The following FHIT variants were observed in gnomAD, a reference collection of about 807,000 sequenced individuals.
The protein encoded by FHIT is bis(5'-adenosyl)-triphosphatase.
FHIT carries 19 observed loss-of-function variants against 17.9 expected under a neutral mutation model. The observed-to-expected ratio is 1.06, with a 90% CI of 0.74 to 1.56. The LOEUF is 1.56. Among genes scored for constraint, FHIT ranks in the 40% most tolerant of loss-of-function variants. The pLI is 0.00. For synonymous variants in FHIT, 81 were observed against 69.7 expected (o/e 1.16, Z -0.81); for missense variants, 248 against 189.2 (o/e 1.31, Z -1.82).
chr3:60,224,637 A>G (rs1168648372), intron 5 of FHIT, among the ~76,000 whole-genome samples: 3 of 152,072 alleles, frequency 2.0e-5, no homozygotes, highest in Non-Finnish European at 4.4e-5. Context: ...TTATATGTCC[A>G]CCCAAACCAT....
At chr3:60,272,306 C>T (rs920608666) in intron 5 of FHIT, among the ~76,000 whole-genome samples, 8 of 152,176 alleles carry the variant, frequency 5.3e-5, no homozygotes, top group African/African-American at 1.7e-4. Flanking sequence ...GAACACAACT[C>T]TTAGCTAGGA....
intron 4 of FHIT, among the ~76,000 whole-genome samples, chr3:60,588,316 C>T (rs1340094048): frequency 1.3e-5 from 2 of 152,086 alleles, no homozygotes; most frequent in East Asian, 3.9e-4. Context: ...TTACTGATTT[C>T]TTTAAAATAT....
chr3:60,755,683 T>C (rs2042557501), intron 4 of FHIT, among the ~76,000 whole-genome samples: 1 of 152,354 alleles, frequency 6.6e-6, no homozygotes, highest in Non-Finnish European at 1.5e-5. Flanking sequence ...TTAATTATCT[T>C]TAATTTAGCT....
At chr3:61,187,191 G>A (rs1560052384) in intron 2 of FHIT, among the ~76,000 whole-genome samples, 1 of 152,112 alleles carries the variant, frequency 6.6e-6, no homozygotes, top group South Asian at 2.1e-4. Context: ...CTTGAAATCT[G>A]CAAGGCTTAG....
chr3:60,273,918 T>C (rs567748950), intron 5 of FHIT, among the ~76,000 whole-genome samples: 1 of 152,220 alleles, frequency 6.6e-6, no homozygotes, highest in Non-Finnish European at 1.5e-5. Context: ...CTCATCTTTG[T>C]GTAGATTAAA....
rs756931374 is a variant in FHIT at position 59,922,337 on chromosome 3, C to A, written c.348+9G>T. 1 of 1,611,234 alleles carries A rather than the reference C, an allele frequency of 6.2e-7. No individual in the cohort carries two copies. The highest frequency in any genetic ancestry group is 8.5e-7 in the Non-Finnish European group (1 of 1,177,526). On this transcript the variant is annotated intron_variant, in intron 8 of 9. Transcript: ENST00000492590. ...GATCAAACAATAAGATCAGAGAGAA[C>A]AGACCCACCTCCTCATAGATGCTGT...
chr3:60,766,227 A>T (rs1308447422), intron 4 of FHIT, among the ~76,000 whole-genome samples: 1 of 152,218 alleles, frequency 6.6e-6, no homozygotes, highest in Non-Finnish European at 1.5e-5. Flanking sequence ...AGAGATGTCT[A>T]TTCTTAATGC....
rs546602953 is a variant in FHIT, at chr3:60,190,214, G to A, written c.104-176062C>T. Among the ~76,000 whole-genome samples, 35 of 152,186 alleles carry A rather than the reference G, an allele frequency of 2.3e-4. No homozygotes were observed. In the South Asian group the frequency reaches 5.6e-3, roughly 24 times the overall value. The stretch of plus-strand genomic sequence containing the variant: ...GATGACATCACAGAACCAAAATAAC[G>A]TCCCACATTCACTTCTTGCTCTGTT... On this transcript the variant is annotated intron_variant, in intron 5 of 9. Coordinates refer to ENST00000492590, the MANE Select transcript of FHIT (RefSeq NM_002012.4).
intron 3 of FHIT, among the ~76,000 whole-genome samples, chr3:60,979,093 AT>A (rs1373572345): frequency 2.6e-5 from 4 of 152,176 alleles, no homozygotes; most frequent in Admixed American, 2.0e-4. Flanking sequence ...ACATCTGATG[AT>A]TTACTTGCCC....
intron 3 of FHIT, among the ~76,000 whole-genome samples, chr3:60,833,384 C>A (rs186514512): frequency 5.3e-4 from 80 of 152,254 alleles, no homozygotes; most frequent in Middle Eastern, 6.8e-3. Context: ...TTTTAATATT[C>A]CTTCATTCCC....
At chr3:59,875,225 C>G (rs1243861158) in intron 8 of FHIT, among the ~76,000 whole-genome samples, 1 of 152,186 alleles carries the variant, frequency 6.6e-6, no homozygotes, top group Non-Finnish European at 1.5e-5. Context: ...CTTCTTTTGT[C>G]ACTGTCACCA....
rs1046207647 is a variant in FHIT, at chr3:60,255,503, G to A, written c.104-241351C>T. On this transcript the variant is annotated intron_variant, in intron 5 of 9. Transcript: ENST00000492590. ...CAGCCGGACAGAGCAAGCACCACCC[G>A]GGGCGACAAACCCAACTTCTCACCA... Among the ~76,000 whole-genome samples, 3 of 152,000 alleles carry A rather than the reference G, an allele frequency of 2.0e-5. No homozygotes were observed. In the East Asian group the frequency reaches 5.8e-4, roughly 29 times the overall value.
intron 5 of FHIT, among the ~76,000 whole-genome samples, chr3:60,365,545 C>T (rs1700074418): frequency 6.6e-6 from 1 of 152,136 alleles, no homozygotes; most frequent in Non-Finnish European, 1.5e-5. Context: ...TCTGTTAAGT[C>T]ATATTTCTTC....
At chr3:59,778,157 A>T (rs1353463175) in intron 8 of FHIT, among the ~76,000 whole-genome samples, 1 of 152,162 alleles carries the variant, frequency 6.6e-6, no homozygotes, top group Non-Finnish European at 1.5e-5. Flanking sequence ...TTTATCAGGG[A>T]TCAATAAGTA....
rs539174215 is a variant in FHIT, at chr3:60,860,560, ATATCAGG to A, written c.-110-38556_-110-38550del. Among the ~76,000 whole-genome samples, 374 of 75,788 alleles carry A rather than the reference ATATCAGG, an allele frequency of 4.9e-3. 14 individuals carry two copies. Among genetic ancestry groups the A allele is most frequent in the Middle Eastern group, 0.056 (2 of 36 alleles). The allele number at this position is 75,788 out of a possible 152,430, so 49.7% of individuals were successfully genotyped here. On this transcript the variant is annotated intron_variant, in intron 3 of 9. Transcript: ENST00000492590. ...GGTATATATGATACATATGTATCAT[ATATCAGG>A]TATATATGATACATATGTATCATAT... is the stretch of plus-strand genomic sequence containing the variant.
At position 59,926,868 on chromosome 3, in the gene FHIT, C is replaced by A. The variant is rs375347866; in HGVS notation, c.280-4454G>T. Among the ~76,000 whole-genome samples, 134 of 152,278 alleles carry A rather than the reference C, an allele frequency of 8.8e-4. 2 individuals are homozygous for A. In the South Asian group the frequency reaches 0.025, roughly 29 times the overall value. ...TGTGGAGAGCTGGAACCCTCCTACA[C>A]TACTGGGGATGTAAAATCACACAGT... On this transcript the variant is annotated intron_variant, in intron 7 of 9. Transcript: ENST00000492590.
chr3:60,596,138 A>C (rs1442377909), intron 4 of FHIT: 1 of 360,412 alleles, frequency 2.8e-6, no homozygotes, highest in Non-Finnish European at 3.9e-6. Flanking sequence ...ACTTTTAAAT[A>C]ATCAACTTCT....
chr3:60,008,244 A>T (rs1699999567), intron 7 of FHIT, among the ~76,000 whole-genome samples: 1 of 152,286 alleles, frequency 6.6e-6, no homozygotes, highest in South Asian at 2.1e-4. Flanking sequence ...ATGGTTGAAG[A>T]TGAAAGAAAA....
intron 4 of FHIT, among the ~76,000 whole-genome samples, chr3:60,584,931 A>G (rs1464269364): frequency 6.6e-6 from 1 of 152,038 alleles, no homozygotes; most frequent in Non-Finnish European, 1.5e-5. Flanking sequence ...ACTAAACTAC[A>G]TGAGCCCATA....
Sources: allele counts gnomAD v4.1 joint callset (sites outside exome capture counted in the v4.1 genomes callset), GRCh38; gene constraint gnomAD v4.1.1; transcripts MANE v1.5; gene names NCBI Gene and HGNC (gene_info 2026-07-23, HGNC 2026-07-21).